The following DOCK4 variants were observed in gnomAD, a reference collection of about 807,000 sequenced individuals.
DOCK4 encodes dedicator of cytokinesis protein 4.
DOCK4 carries 97 observed loss-of-function variants against 268.1 expected under a neutral mutation model. That is an observed-to-expected ratio of 0.36 (90% CI 0.31 to 0.43). The LOEUF (loss-of-function observed/expected upper bound fraction) is 0.43, where lower values mean the gene tolerates loss of function less well. Ranked by LOEUF, DOCK4 falls within the 20% of genes least tolerant of loss-of-function variation. The probability of loss-of-function intolerance (pLI) is 1.00; values close to 1 mark genes in which losing one functional copy is unlikely to be tolerated. For synonymous variants in DOCK4, 954 were observed against 887.2 expected (o/e 1.08, Z -1.34); for missense variants, 2,145 against 2,455.7 (o/e 0.87, Z 2.67).
chr7:111,728,551 G>A lies in DOCK4; in HGVS notation c.5651C>T (p.Pro1884Leu). The A allele has an allele frequency of 6.2e-7, 1 of 1,613,942 alleles. No individual in the cohort carries two copies. Residue 1884 changes from proline (P) to leucine (L), a missense_variant, in exon 53 of 53, where the codon CCC (proline) becomes CTC (leucine). Pro to Leu is a moderately conservative substitution (Grantham distance 98). This residue lies in a region of DOCK4 where 547 missense variants were observed against 469.0 expected (regional missense o/e 1.17). Coordinates refer to ENST00000428084, the MANE Select transcript of DOCK4 (RefSeq NM_001363540.2). The part of the protein sequence containing the change: ...FENQVNEQSA[P>L]LPVPVPVPVP... Reference sequence around the variant, plus strand: ...GGGCACCGGCACTGGCACCGGCAGGGGGGCCGACTGTTCATTCACCTGATT... The same window carrying A: ...GGGCACCGGCACTGGCACCGGCAGGAGGGCCGACTGTTCATTCACCTGATT...
At chr7:111,936,412 T>C (rs117519764) in intron 11 of DOCK4, among the ~76,000 whole-genome samples, 276 of 152,330 alleles carry the variant, frequency 1.8e-3, no homozygotes, top group Non-Finnish European at 3.4e-3. Flanking sequence ...GGACTGGATC[T>C]AGGACTGGCT....
intron 4 of DOCK4, among the ~76,000 whole-genome samples, chr7:111,996,905 G>C (rs1278865167): frequency 6.6e-6 from 1 of 152,220 alleles, no homozygotes; most frequent in East Asian, 1.9e-4. Flanking sequence ...ATCTTTGCTA[G>C]CACAGCATTC....
intron 30 of DOCK4, among the ~76,000 whole-genome samples, chr7:111,792,114 T>A (rs1799590951): frequency 6.6e-6 from 1 of 152,138 alleles, no homozygotes; most frequent in Non-Finnish European, 1.5e-5. Context: ...TGCTGGTGAG[T>A]GTTAAGTCTA....
At chr7:112,114,538 A>C (rs1811951570) in intron 1 of DOCK4, among the ~76,000 whole-genome samples, 1 of 152,230 alleles carries the variant, frequency 6.6e-6, no homozygotes, top group Non-Finnish European at 1.5e-5. Flanking sequence ...TATTCCATGA[A>C]AAAACTGTCT....
intron 1 of DOCK4, 53 bp downstream of exon 1, chr7:112,206,049 T>C (rs1001933857): frequency 1.3e-6 from 2 of 1,547,920 alleles, no homozygotes; most frequent in Non-Finnish European, 1.7e-6. Context: ...GGACGAGAAA[T>C]GCGCACTCGC....
At chr7:112,200,273 G>C (rs1398911568) in intron 1 of DOCK4, among the ~76,000 whole-genome samples, 7 of 152,186 alleles carry the variant, frequency 4.6e-5, no homozygotes, top group Admixed American at 6.5e-5. Flanking sequence ...TTATATGTGT[G>C]TGGGGTGGTA....
intron 1 of DOCK4, chr7:112,023,721 G>A: frequency 2.4e-6 from 1 of 424,130 alleles, no homozygotes; most frequent in South Asian, 1.7e-5. Flanking sequence ...CCCTGAAAGG[G>A]GGTGCATACC....
chr7:112,017,886 T>C (rs1407057855), intron 1 of DOCK4, among the ~76,000 whole-genome samples: 1 of 152,018 alleles, frequency 6.6e-6, no homozygotes, highest in Admixed American at 6.6e-5. Context: ...AGAAAGGCCT[T>C]ATAGGAACAC....
intron 1 of DOCK4, among the ~76,000 whole-genome samples, chr7:112,196,159 C>T (rs928170777): frequency 6.6e-6 from 1 of 152,102 alleles, no homozygotes; most frequent in Non-Finnish European, 1.5e-5. Flanking sequence ...CTCTACAACG[C>T]GAAGGACTGA....
At position 112,010,449 on chromosome 7, in the gene DOCK4, C is replaced by G. The variant is rs567976432; in HGVS notation, c.38-6318G>C. Among the ~76,000 whole-genome samples, 9 of 152,330 alleles carry G rather than the reference C, an allele frequency of 5.9e-5. 1 individual carries two copies. In the South Asian group the frequency reaches 1.9e-3, roughly 32 times the overall value. On this transcript the variant is annotated intron_variant, in intron 1 of 52. Coordinates refer to ENST00000428084, the MANE Select transcript of DOCK4 (RefSeq NM_001363540.2). ...TTAGGAGCAAGCTGGTTATTCCTTA[C>G]CGCTGGGAACTCCCAGGTGGCTATG...
chr7:112,121,304 C>A (rs1812704085), intron 1 of DOCK4, among the ~76,000 whole-genome samples: 1 of 152,164 alleles, frequency 6.6e-6, no homozygotes, highest in East Asian at 1.9e-4. Flanking sequence ...TCCAAGAAGT[C>A]TTCTTCCTTC....
intron 8 of DOCK4, among the ~76,000 whole-genome samples, chr7:111,959,839 G>A (rs1336282091): frequency 6.6e-6 from 1 of 152,032 alleles, no homozygotes; most frequent in East Asian, 1.9e-4. Context: ...CACCTATGAT[G>A]TTTCAGTCTC....
intron 1 of DOCK4, among the ~76,000 whole-genome samples, chr7:112,144,603 C>T (rs534736841): frequency 8.0e-4 from 122 of 152,292 alleles, no homozygotes; most frequent in African/African-American, 2.8e-3. Context: ...GATGCCAGGT[C>T]ATCAAGGACC....
chr7:111,910,743 A>C (rs987717319), intron 13 of DOCK4, among the ~76,000 whole-genome samples: 1 of 152,182 alleles, frequency 6.6e-6, no homozygotes, highest in Non-Finnish European at 1.5e-5. Context: ...GAACGCCTTC[A>C]ATCAGTTATT....
intron 20 of DOCK4, among the ~76,000 whole-genome samples, chr7:111,871,719 G>T (rs1414970650): frequency 6.6e-6 from 1 of 152,192 alleles, no homozygotes; most frequent in Non-Finnish European, 1.5e-5. Flanking sequence ...TTAGACCAAA[G>T]AATATCCAGT....
intron 1 of DOCK4, among the ~76,000 whole-genome samples, chr7:112,114,076 C>A (rs1264237527): frequency 6.6e-6 from 1 of 152,034 alleles, no homozygotes; most frequent in East Asian, 1.9e-4. Context: ...TTTGGCTTTT[C>A]TTCCAACCAT....
chr7:112,003,793 C>G (rs1800633216), intron 2 of DOCK4, among the ~76,000 whole-genome samples: 2 of 152,140 alleles, frequency 1.3e-5, no homozygotes, highest in Non-Finnish European at 2.9e-5. Flanking sequence ...GTCAAGAACT[C>G]CCACAGATAT....
intron 1 of DOCK4, among the ~76,000 whole-genome samples, chr7:112,019,402 T>A (rs1802126455): frequency 6.6e-6 from 1 of 152,222 alleles, no homozygotes; most frequent in Non-Finnish European, 1.5e-5. Flanking sequence ...CTGCTAACAG[T>A]CATTTGTTAT....
At chr7:111,852,301 A>G (rs1804639845) in intron 23 of DOCK4, among the ~76,000 whole-genome samples, 1 of 152,164 alleles carries the variant, frequency 6.6e-6, no homozygotes, top group African/African-American at 2.4e-5. Context: ...CCACTGGGTT[A>G]CCAAAATAAC....
Sources: gnomAD v4.1 joint callset for allele counts (sites outside exome capture counted in the v4.1 genomes callset) on GRCh38, gnomAD v4.1.1 for gene constraint, gnomAD v4.1.1 regional missense constraint, MANE v1.5 for transcripts, NCBI Gene and HGNC (gene_info 2026-07-23, HGNC 2026-07-21) for gene names.